The following TRPA1 variants were observed in gnomAD, a reference collection of about 807,000 sequenced individuals.
The protein encoded by TRPA1 is transient receptor potential cation channel subfamily A member 1, also known as ankyrin-like with transmembrane domains 1.
In TRPA1, 129 loss-of-function variants were observed where a neutral mutation model predicts 131.3. The ratio of observed to expected loss-of-function variants is 0.98; its 90% confidence interval spans 0.85 to 1.14. The LOEUF is 1.14. TRPA1 is among the 50% of genes most tolerant of loss of function. The probability of loss-of-function intolerance (pLI) is 0.00; values close to 1 mark genes in which losing one functional copy is unlikely to be tolerated. For missense variants in TRPA1, 1,304 were observed against 1,354.2 expected, an observed-to-expected ratio of 0.96 and a Z score of 0.58; for synonymous variants, 441 against 451.7, an observed-to-expected ratio of 0.98 and a Z score of 0.30.
At chr8:72,045,211 C>T (rs1812386950) in intron 17 of TRPA1, among the ~76,000 whole-genome samples, 1 of 151,816 alleles carries the variant, frequency 6.6e-6, no homozygotes, top group South Asian at 2.1e-4. Context: ...GTGTTAAAGG[C>T]ATAAAATCCC....
intron 23 of TRPA1, among the ~76,000 whole-genome samples, chr8:72,031,929 G>T (rs888149840): frequency 6.6e-6 from 1 of 152,198 alleles, no homozygotes; most frequent in African/African-American, 2.4e-5. Context: ...TAGTTAATTG[G>T]AGAGGGGTGG....
intron 24 of TRPA1, 69 bp from the exon 25 acceptor site, chr8:72,026,142 G>T: frequency 2.5e-6 from 3 of 1,194,534 alleles, no homozygotes; most frequent in African/African-American, 1.5e-5. Flanking sequence ...TGGCACAGAG[G>T]CAATCATTAA....
chr8:72,027,936 C>T (rs938572061), intron 24 of TRPA1, among the ~76,000 whole-genome samples: 1 of 152,152 alleles, frequency 6.6e-6, no homozygotes, highest in Non-Finnish European at 1.5e-5. Flanking sequence ...AGCTCAACCC[C>T]ACTGACACTT....
At chr8:72,027,116 C>T (rs1021577756) in intron 24 of TRPA1, among the ~76,000 whole-genome samples, 4 of 152,062 alleles carry the variant, frequency 2.6e-5, no homozygotes, top group African/African-American at 9.7e-5. Context: ...CCCCTTTGCT[C>T]TTTAGGGTGA....
At chr8:72,041,600 C>T (rs1160190784) in intron 17 of TRPA1, among the ~76,000 whole-genome samples, 1 of 151,868 alleles carries the variant, frequency 6.6e-6, no homozygotes, top group African/African-American at 2.4e-5. Flanking sequence ...TAACAACTCA[C>T]TCTTAAACAG....
At chr8:72,043,138 A>T (rs922386750) in intron 17 of TRPA1, among the ~76,000 whole-genome samples, 1 of 151,856 alleles carries the variant, frequency 6.6e-6, no homozygotes, top group Admixed American at 6.6e-5. Context: ...ATAAGGCCAT[A>T]GTTCTCACCA....
rs542668895 is a variant in TRPA1, at chr8:72,037,429, A to G, written c.2385+554T>C. Among the ~76,000 whole-genome samples the G allele has an allele frequency of 2.9e-3, 435 of 152,246 alleles. 1 individual carries two copies. The highest frequency in any genetic ancestry group is 4.9e-3 in the Non-Finnish European group (333 of 67,966). Reference sequence around the variant, plus strand: ...CAACCAAAGGTAGGACCTGCAGATAATTTATACACTTGGTTCTGATCTGAA... The same window carrying G: ...CAACCAAAGGTAGGACCTGCAGATAGTTTATACACTTGGTTCTGATCTGAA... On this transcript the variant is annotated intron_variant, in intron 20 of 26. Coordinates refer to ENST00000262209, the MANE Select transcript of TRPA1 (RefSeq NM_007332.3).
chr8:72,052,551 C>T, intron 14 of TRPA1, 48 bp downstream of exon 14: 1 of 1,609,286 alleles, frequency 6.2e-7, no homozygotes, highest in Non-Finnish European at 8.5e-7. Context: ...TTCAAATCAT[C>T]CCAACACCAG....
At position 72,071,734 on chromosome 8, in the gene TRPA1, ATCT is replaced by A. The variant is rs774208430; in HGVS notation, c.242_244del (p.Lys81del). On this transcript the variant is annotated inframe_deletion, in exon 2 of 27. Transcript: ENST00000262209. ...ACCTTCCAAAGAGGAATCTCTGGTG[ATCT>A]TCTCCATTAGCTCAATTTGGCCTTC... 6.2e-7 allele frequency: 1 copy of A among 1,613,820 alleles called. No individual in the cohort carries two copies. The highest frequency in any genetic ancestry group is 8.5e-7 in the Non-Finnish European group (1 of 1,179,852).
At chr8:72,034,467 A>T (rs1585845210) in intron 21 of TRPA1, 90 bp from the exon 22 acceptor site, 1 of 864,360 alleles carries the variant, frequency 1.2e-6, no homozygotes, top group East Asian at 2.9e-5. Context: ...TAAACCAGGT[A>T]TTAGATTTCA....
the TRPA1 span, among the ~76,000 whole-genome samples, chr8:72,082,626 G>T: frequency 0.012 from 1,765 of 151,762 alleles, 37 homozygotes; most frequent in African/African-American, 0.04. Flanking sequence ...ATCACTTTGA[G>T]TATTATTACA....
rs755653138 is a variant in TRPA1 at position 72,022,867 on chromosome 8, T to C, written c.*39A>G. 6.3e-7 allele frequency: 1 copy of C among 1,576,356 alleles called. No homozygotes were observed. ...ATTGAAAGTTAGAACCAGCAAGTCA[T>C]GCACCCCCCATTAGAAGCCTCACTG... On this transcript the variant is annotated 3_prime_UTR_variant, in exon 27 of 27. Transcript: ENST00000262209.
intron 25 of TRPA1, among the ~76,000 whole-genome samples, chr8:72,025,710 C>T (rs906177291): frequency 3.3e-5 from 5 of 152,184 alleles, no homozygotes; most frequent in African/African-American, 1.2e-4. Context: ...TCTGCTCTCA[C>T]AGGGACAGCA....
rs1805590779 is a variant in TRPA1, at chr8:72,053,819, G to C, written c.1578C>G (p.Tyr526Ter). The C allele has an allele frequency of 6.2e-7, 1 of 1,612,410 alleles. No homozygotes were observed. Among genetic ancestry groups the C allele is most frequent in the Non-Finnish European group, 8.5e-7 (1 of 1,179,814 alleles). The change falls in exon 13 of 27, where the codon TAC becomes TAG. Residue 526 changes from tyrosine to a stop codon, truncating the protein, a stop_gained. Transcript: ENST00000262209. LOFTEE classifies it high-confidence loss of function. ...TALHHASMGG[Y>*]TQTMKVILDT... ...CAAGAATGACCTTCATGGTCTGAGT[G>C]TACCCGCCCATGGACGCATGATGCA...
At chr8:72,079,762 G>T (rs2587563), upstream of TRPA1, among the ~76,000 whole-genome samples, 134,878 of 151,920 alleles carry the variant, frequency 0.89, 60,081 homozygotes, top group African/African-American at 0.95. Flanking sequence ...GAAGGGCCAT[G>T]TTTAAAATAT....
At chr8:72,049,346 C>T (rs907047201) in intron 15 of TRPA1, among the ~76,000 whole-genome samples, 3 of 152,064 alleles carry the variant, frequency 2.0e-5, no homozygotes, top group Admixed American at 1.3e-4. Flanking sequence ...GAAAATAATG[C>T]TCAGAGAGGT....
chr8:72,036,297 TACAA>T lies in TRPA1; in HGVS notation c.2542_2545del (p.Leu848IlefsTer17), dbSNP rs1393508689. The stretch of plus-strand genomic sequence containing the variant: ...TTCAAGCTTGTTTTACCTTTGAAGA[TACAA>T]TAAGAAATTCATCCAATAGAAGTAA... On this transcript the variant is annotated frameshift_variant, in exon 21 of 27. Coordinates refer to ENST00000262209, the MANE Select transcript of TRPA1 (RefSeq NM_007332.3). LOFTEE classifies it high-confidence loss of function. 1 of 1,614,036 alleles carries T rather than the reference TACAA, an allele frequency of 6.2e-7. No homozygotes were observed.
chr8:72,063,709 T>C, intron 4 of TRPA1, 138 bp from the exon 5 acceptor site: 2 of 645,862 alleles, frequency 3.1e-6, no homozygotes, highest in Non-Finnish European at 5.5e-6. Context: ...TCATATGTTA[T>C]GAAATCTAGG....
intron 24 of TRPA1, among the ~76,000 whole-genome samples, chr8:72,027,287 C>T (rs1475565908): frequency 6.6e-6 from 1 of 152,082 alleles, no homozygotes; most frequent in African/African-American, 2.4e-5. Flanking sequence ...AAAGATGGTC[C>T]TGGGGGAGGT....
Sources: allele counts gnomAD v4.1 joint callset (sites outside exome capture counted in the v4.1 genomes callset), GRCh38; gene constraint gnomAD v4.1.1; transcripts MANE v1.5; gene names NCBI Gene and HGNC (gene_info 2026-07-23, HGNC 2026-07-21).